ARHGAP22: variants seen among roughly 807,000 people sequenced by gnomAD.
ARHGAP22 encodes Rho GTPase activating protein 22.
ARHGAP22 carries 48 observed loss-of-function variants against 59.1 expected under a neutral mutation model. That is an observed-to-expected ratio of 0.81 (90% CI 0.64 to 1.03). The LOEUF (loss-of-function observed/expected upper bound fraction) is 1.03. ARHGAP22 is among the 50% of genes least tolerant of loss of function. The pLI is 0.00. For synonymous variants in ARHGAP22, 445 were observed against 416.4 expected (o/e 1.07, Z -0.84); for missense variants, 1,015 against 958.7 (o/e 1.06, Z -0.78).
chr10:48,450,513 G>T lies in ARHGAP22; in HGVS notation c.1616C>A (p.Ala539Asp), dbSNP rs749862723. ...CTACRASDSS[A>D]RSSLHTDWAL... is the part of the protein sequence containing the mutation. The stretch of plus-strand genomic sequence containing the variant: ...CCAGTCGGTGTGCAGGGAACTGCGG[G>T]CAGACGAGTCGCTGGCGCGGCAGGC... Residue 539 changes from alanine to aspartate, a missense_variant, in exon 9 of 10, where the codon GCC (alanine) becomes GAC (aspartate). Coordinates refer to ENST00000249601, the MANE Select transcript of ARHGAP22 (RefSeq NM_021226.4). 4 of 1,527,298 alleles carry T rather than the reference G, an allele frequency of 2.6e-6. No individual in the cohort carries two copies. Among genetic ancestry groups the T allele is most frequent in the Non-Finnish European group, 3.5e-6 (4 of 1,137,316 alleles). 94.6% of individuals were successfully genotyped at this position (1,527,298 alleles called of 1,614,324 possible). A position where few individuals can be genotyped will look rare whatever the true frequency, so the allele number is the denominator to read the frequency against.
At chr10:48,574,882 A>G (rs2058613549) in intron 2 of ARHGAP22, 1 of 152,130 alleles carries the variant, frequency 6.6e-6, no homozygotes, top group South Asian at 2.1e-4. Context: ...CAGGTCAAGG[A>G]CTCAGGGAAG....
intron 1 of ARHGAP22, among the ~76,000 whole-genome samples, chr10:48,633,140 T>C (rs569745453): frequency 9.2e-4 from 140 of 152,352 alleles, no homozygotes; most frequent in Middle Eastern, 6.8e-3. Flanking sequence ...GAGCAGTGCC[T>C]GGCACAACTC....
At chr10:48,512,180 CA>C (rs2052842663) in intron 3 of ARHGAP22, among the ~76,000 whole-genome samples, 1 of 152,260 alleles carries the variant, frequency 6.6e-6, no homozygotes, top group Admixed American at 6.5e-5. Context: ...GTTTCATTGG[CA>C]AATGGCATAT....
chr10:48,454,217 C>G, intron 6 of ARHGAP22, 56 bp from the exon 7 acceptor site: 2 of 1,494,806 alleles, frequency 1.3e-6, no homozygotes, highest in Non-Finnish European at 9.3e-7. Context: ...TGACTGTTCT[C>G]TGACTGCGAG....
chr10:48,480,149 C>T (rs190984727), intron 3 of ARHGAP22, among the ~76,000 whole-genome samples: 21 of 152,320 alleles, frequency 1.4e-4, no homozygotes, highest in Admixed American at 9.1e-4. Context: ...CACAGTTAAA[C>T]GTCACTATGT....
intron 3 of ARHGAP22, chr10:48,546,572 A>G (rs2056455490): frequency 1.3e-5 from 2 of 158,488 alleles, no homozygotes; most frequent in Non-Finnish European, 1.4e-5. Context: ...CGGGCAGTAG[A>G]GAAAGAGGCT....
At chr10:48,441,146 CCTCT>C (rs372147087), downstream of ARHGAP22, among the ~76,000 whole-genome samples, 8 of 152,306 alleles carry the variant, frequency 5.3e-5, 1 homozygote, top group East Asian at 5.8e-4. Flanking sequence ...TGCCTGTAGA[CCTCT>C]CTAATTGTAG....
chr10:48,644,767 G>C (rs1307177694), intron 1 of ARHGAP22, among the ~76,000 whole-genome samples: 1 of 152,094 alleles, frequency 6.6e-6, no homozygotes, highest in Non-Finnish European at 1.5e-5. Context: ...ATGGTATACA[G>C]CAAAATCACT....
chr10:48,499,409 C>T (rs2051282364), intron 3 of ARHGAP22, among the ~76,000 whole-genome samples: 1 of 152,220 alleles, frequency 6.6e-6, no homozygotes, highest in Non-Finnish European at 1.5e-5. Flanking sequence ...TGAAAAGACA[C>T]TTGACAAAAC....
the ARHGAP22 span, chr10:48,437,831 A>G: frequency 5.9e-5 from 9 of 152,378 alleles, no homozygotes; most frequent in East Asian, 3.9e-4. Context: ...TAACAATCCA[A>G]AGAAGCTTGA....
At chr10:48,610,557 A>T (rs2060842821) in intron 1 of ARHGAP22, among the ~76,000 whole-genome samples, 1 of 152,324 alleles carries the variant, frequency 6.6e-6, no homozygotes, top group African/African-American at 2.4e-5. Flanking sequence ...AAGTCAGAGG[A>T]TGCCTAGTGT....
At chr10:48,635,917 A>G (rs1249659179) in intron 1 of ARHGAP22, among the ~76,000 whole-genome samples, 3 of 152,222 alleles carry the variant, frequency 2.0e-5, no homozygotes, top group Non-Finnish European at 2.9e-5. Flanking sequence ...GAACATTAAT[A>G]TCTTGCAAGC....
At chr10:48,652,393 A>G (rs2062603264) in exon 1 of ARHGAP22, 1 of 889,484 alleles carries the variant, frequency 1.1e-6, no homozygotes, top group South Asian at 1.5e-5. Flanking sequence ...CAGGAGATCC[A>G]CATCTATAGA....
At chr10:48,453,973 TG>T in intron 7 of ARHGAP22, 114 bp downstream of exon 7, 2 of 1,073,992 alleles carry the variant, frequency 1.9e-6, no homozygotes, top group Non-Finnish European at 2.8e-6. Context: ...CTGTGCAGGG[TG>T]GGGAATGACC....
chr10:48,581,944 T>C (rs949759719), intron 2 of ARHGAP22, among the ~76,000 whole-genome samples: 14 of 152,176 alleles, frequency 9.2e-5, no homozygotes, highest in African/African-American at 3.4e-4. Context: ...TGTGCCCCCA[T>C]ATTTTGTTTA....
chr10:48,654,838 C>T (rs1399458216), upstream of ARHGAP22, among the ~76,000 whole-genome samples: 1 of 140,826 alleles, frequency 7.1e-6, no homozygotes, highest in African/African-American at 2.7e-5. Flanking sequence ...TCCTTCCTTC[C>T]TTCCTCTCTC....
chr10:48,616,887 A>G (rs2061101010), intron 1 of ARHGAP22, among the ~76,000 whole-genome samples: 1 of 152,120 alleles, frequency 6.6e-6, no homozygotes, highest in Admixed American at 6.5e-5. Flanking sequence ...ATTCACATGA[A>G]GAAATTAAAA....
chr10:48,627,717 G>C (rs957838396), intron 1 of ARHGAP22, among the ~76,000 whole-genome samples: 1 of 152,208 alleles, frequency 6.6e-6, no homozygotes, highest in Admixed American at 6.5e-5. Flanking sequence ...GATATTCCAA[G>C]GGCTTTATGA....
chr10:48,451,930 C>A (rs1350228003), intron 8 of ARHGAP22, among the ~76,000 whole-genome samples: 1 of 146,528 alleles, frequency 6.8e-6, no homozygotes, highest in Non-Finnish European at 1.5e-5. Flanking sequence ...CAGAATCGCA[C>A]AATGAACCCC....
Sources: gnomAD v4.1 joint callset for allele counts (sites outside exome capture counted in the v4.1 genomes callset) on GRCh38, gnomAD v4.1.1 for gene constraint, MANE v1.5 for transcripts, NCBI Gene and HGNC (gene_info 2026-07-23, HGNC 2026-07-21) for gene names.